AKR1A1: variants seen among roughly 807,000 people sequenced by gnomAD.
AKR1A1 encodes HEL-S-165mP.
A neutral mutation model predicts 39.2 loss-of-function variants in AKR1A1; 26 were observed. The ratio of observed to expected loss-of-function variants is 0.66; its 90% CI spans 0.49 to 0.92. The LOEUF (loss-of-function observed/expected upper bound fraction) is 0.92. Among genes scored for constraint, AKR1A1 ranks in the 40% least tolerant of loss-of-function variants. The pLI is 0.00. For missense variants in AKR1A1, 378 were observed against 406.5 expected (o/e 0.93, Z 0.60); for synonymous variants, 141 against 155.5 (o/e 0.91, Z 0.69).
chr1:45,565,890 C>T (rs1214904519), intron 2 of AKR1A1, among the ~76,000 whole-genome samples: 3 of 152,052 alleles, frequency 2.0e-5, no homozygotes, highest in East Asian at 1.9e-4. Flanking sequence ...CCTAGGATTA[C>T]AGGCGTGAGC....
At chr1:45,560,973 C>T (rs188093971) in intron 1 of AKR1A1, among the ~76,000 whole-genome samples, 7 of 152,256 alleles carry the variant, frequency 4.6e-5, no homozygotes, top group East Asian at 1.9e-4. Flanking sequence ...GTGATCCACC[C>T]GCCTCGGCCT....
intron 2 of AKR1A1, among the ~76,000 whole-genome samples, chr1:45,563,465 G>A (rs1644303601): frequency 6.6e-6 from 1 of 151,974 alleles, no homozygotes; most frequent in Non-Finnish European, 1.5e-5. Context: ...TACAGATGGA[G>A]GTGATTATAC....
At chr1:45,563,055 C>T (rs959188977) in intron 2 of AKR1A1, among the ~76,000 whole-genome samples, 2 of 149,004 alleles carry the variant, frequency 1.3e-5, no homozygotes, top group Non-Finnish European at 3.0e-5. Context: ...GCTGCAGTGA[C>T]CTATGATCAT....
intron 1 of AKR1A1, among the ~76,000 whole-genome samples, chr1:45,559,634 C>CT (rs71056306): frequency 1.6e-3 from 120 of 73,106 alleles, no homozygotes; most frequent in Non-Finnish European, 2.0e-3. Context: ...CTTTTCTTTT[C>CT]TTTTTTTTTT....
chr1:45,551,692 G>A (rs1463675861), intron 1 of AKR1A1, among the ~76,000 whole-genome samples: 1 of 152,268 alleles, frequency 6.6e-6, no homozygotes, highest in Admixed American at 6.5e-5. Context: ...CCTTCAGATC[G>A]TTCATACTCA....
At chr1:45,554,488 G>A (rs548243767) in intron 1 of AKR1A1, among the ~76,000 whole-genome samples, 2 of 151,778 alleles carry the variant, frequency 1.3e-5, no homozygotes, top group South Asian at 2.1e-4. Context: ...CCAGCTACTC[G>A]GGATTGCTCC....
intron 1 of AKR1A1, among the ~76,000 whole-genome samples, chr1:45,553,249 C>G (rs1021426807): frequency 2.6e-5 from 4 of 151,096 alleles, no homozygotes; most frequent in Non-Finnish European, 4.4e-5. Flanking sequence ...TGGTGAAACC[C>G]CGTCTCTACT....
At position 45,559,797 on chromosome 1, in the gene AKR1A1, G is replaced by A. The variant is rs142041475; in HGVS notation, c.-6-1992G>A. 6.1e-3 allele frequency among the ~76,000 whole-genome samples: 900 copies of A among 148,434 alleles called. 7 individuals carry two copies. The highest frequency in any genetic ancestry group is 0.022 in the African/African-American group (870 of 40,384). ...TAAGTAGCTGGGATTATAGGCACCC[G>A]CCACCATGCCCGGCTAATTTTTCTA... On this transcript the variant is annotated intron_variant, in intron 1 of 8. Transcript: ENST00000351829.
At chr1:45,554,003 A>C (rs560332698) in intron 1 of AKR1A1, among the ~76,000 whole-genome samples, 1 of 148,434 alleles carries the variant, frequency 6.7e-6, no homozygotes, top group African/African-American at 2.5e-5. Context: ...TCAAAAAAAA[A>C]AAGAAGTATA....
chr1:45,565,472 T>C (rs1193154961), intron 2 of AKR1A1, among the ~76,000 whole-genome samples: 2 of 151,000 alleles, frequency 1.3e-5, no homozygotes, highest in Non-Finnish European at 3.0e-5. Flanking sequence ...TTTGTTGTTA[T>C]TTTTTTTGTG....
intron 3 of AKR1A1, 84 bp downstream of exon 3, chr1:45,566,772 G>A: frequency 6.3e-7 from 1 of 1,596,332 alleles, no homozygotes; most frequent in Non-Finnish European, 8.5e-7. Flanking sequence ...GAGGGAATCT[G>A]GCATCAGCTT....
chr1:45,563,632 A>G (rs1644305653), intron 2 of AKR1A1, among the ~76,000 whole-genome samples: 1 of 150,832 alleles, frequency 6.6e-6, no homozygotes, highest in Non-Finnish European at 1.5e-5. Context: ...TCTACTAAAA[A>G]TGCAAAATTA....
At position 45,568,148 on chromosome 1, in the gene AKR1A1, G is replaced by T; in HGVS notation, c.523G>T (p.Val175Leu). Residue 175 changes from valine (V) to leucine (L), a missense_variant, in exon 5 of 9, where the codon GTG (valine) becomes TTG (leucine). Physicochemically the swap from Val to Leu is conservative, Grantham distance 32. Transcript: ENST00000351829. Reference sequence around the variant, plus strand: ...TCGGCAGATTGATGACATACTCAGTGTGGCCTCCGTGCGTCCAGCTGTCTT... The same window carrying T: ...TCGGCAGATTGATGACATACTCAGTTTGGCCTCCGTGCGTCCAGCTGTCTT... ...NSRQIDDILS[V>L]ASVRPAVLQV... The T allele has an allele frequency of 1.2e-6, 2 of 1,613,842 alleles. No individual in the cohort carries two copies. Among genetic ancestry groups the T allele is most frequent in the Non-Finnish European group, 1.7e-6 (2 of 1,179,910 alleles).
intron 1 of AKR1A1, among the ~76,000 whole-genome samples, chr1:45,561,012 C>T (rs568358625): frequency 6.6e-6 from 1 of 152,324 alleles, no homozygotes; most frequent in Non-Finnish European, 1.5e-5. Context: ...CAGGCGTGAG[C>T]CACCGTGCCT....
chr1:45,566,636 G>T lies in AKR1A1; in HGVS notation c.152G>T (p.Gly51Val), dbSNP rs1340594108. Residue 51 changes from glycine to valine, a missense_variant, in exon 3 of 9, where the codon GGC (glycine) becomes GTC (valine). By Grantham distance (109) the Gly-to-Val change is moderately radical (BLOSUM62 -3). Transcript: ENST00000351829. ...YRHIDCAAIY[G>V]NEPEIGEALK... Reference sequence around the variant, plus strand: ...CACATTGATTGTGCTGCTATCTACGGCAATGAGCCTGAGATTGGGGAGGCC... The same window carrying T: ...CACATTGATTGTGCTGCTATCTACGTCAATGAGCCTGAGATTGGGGAGGCC... The T allele has an allele frequency of 6.2e-7, 1 of 1,614,246 alleles. No homozygotes were observed. The highest frequency in any genetic ancestry group is 1.3e-5 in the African/African-American group (1 of 75,076).
chr1:45,569,775 A>G (rs1040217517), intron 8 of AKR1A1, 116 bp from the exon 9 acceptor site: 7 of 860,016 alleles, frequency 8.1e-6, no homozygotes, highest in African/African-American at 6.7e-5. Context: ...AGCCAATGCC[A>G]TCTGGCATAG....
chr1:45,555,804 C>T (rs1644194619), intron 1 of AKR1A1, among the ~76,000 whole-genome samples: 1 of 152,066 alleles, frequency 6.6e-6, no homozygotes. Flanking sequence ...TCTGCGTAGC[C>T]CCACAGCCTA....
At chr1:45,567,868 T>C (rs969745953) in intron 4 of AKR1A1, 114 bp from the exon 5 acceptor site, 1 of 971,526 alleles carries the variant, frequency 1.0e-6, no homozygotes, top group Admixed American at 3.0e-5. Context: ...TTAAAAATTC[T>C]TGGCCCTTTG....
intron 4 of AKR1A1, 22 bp from the exon 5 acceptor site, chr1:45,567,960 G>A (rs1382043527): frequency 1.3e-6 from 2 of 1,593,888 alleles, no homozygotes; most frequent in South Asian, 2.3e-5. Context: ...GTCCACACTT[G>A]GTGGGGCTGT....
Sources: gnomAD v4.1 joint callset for allele counts (sites outside exome capture counted in the v4.1 genomes callset) on GRCh38, gnomAD v4.1.1 for gene constraint, MANE v1.5 for transcripts, NCBI Gene and HGNC (gene_info 2026-07-23, HGNC 2026-07-21) for gene names.